The following MLKL variants were observed in gnomAD, a reference collection of about 807,000 sequenced individuals.
MLKL encodes mixed lineage kinase domain-like protein.
In MLKL, 55 loss-of-function variants were observed where a neutral mutation model predicts 56.5. That is an observed-to-expected ratio of 0.97 (90% CI 0.78 to 1.22). The LOEUF is 1.22. Ranked by LOEUF, MLKL falls within the 50% of genes most tolerant of loss-of-function variation. The pLI, the probability that MLKL is intolerant of heterozygous loss-of-function variation, is 0.00. For synonymous variants in MLKL, 251 were observed against 208.3 expected (o/e 1.20, Z -1.76); for missense variants, 694 against 573.9 (o/e 1.21, Z -2.14).
intron 7 of MLKL, chr16:74,677,640 G>A (rs1244781651): frequency 6.6e-6 from 1 of 152,258 alleles, no homozygotes; most frequent in Non-Finnish European, 1.5e-5. Flanking sequence ...ACAGGCATAA[G>A]CCACCATGCC....
intron 6 of MLKL, among the ~76,000 whole-genome samples, chr16:74,679,196 T>C (rs1281332956): frequency 1.3e-5 from 2 of 152,132 alleles, no homozygotes; most frequent in Non-Finnish European, 2.9e-5. Context: ...ATGACAGCCC[T>C]TATGAAGTGC....
Position 74,691,360 on chromosome 16 carries a change from T to A in MLKL, c.639A>T (p.Glu213Asp). Residue 213 changes from glutamate to aspartate, a missense_variant, in exon 4 of 11, where the codon GAA becomes GAT. By Grantham distance (45) the Glu-to-Asp change is conservative. Transcript: ENST00000308807. The stretch of plus-strand genomic sequence containing the variant: ...ATTCTCCTTTATAAAGTGTGCTGAC[T>A]TCATTTTCCCTTAGCAGAATCCACG... ...GSPWILLREN[E>D]VSTLYKGEYH... 6.2e-7 allele frequency: 1 copy of A among 1,614,086 alleles called. No homozygotes were observed. The highest frequency in any genetic ancestry group is 8.5e-7 in the Non-Finnish European group (1 of 1,180,002).
chr16:74,675,043 A>C lies in MLKL; in HGVS notation c.1298T>G (p.Leu433Arg). The stretch of plus-strand genomic sequence containing the variant: ...CAGCTCTGAAGGGCAGTCTTCACCC[A>C]GTGGCTCCTGCTGCCGCTTCACAGC... ...LVAVKRQQEP[L>R]GEDCPSELRE... The change falls in exon 10 of 11, where the codon CTG becomes CGG. Residue 433 changes from leucine (L) to arginine (R), a missense_variant. By Grantham distance (102) the Leu-to-Arg change is moderately radical. Transcript: ENST00000308807. 1 of 1,614,176 alleles carries C rather than the reference A, an allele frequency of 6.2e-7. No individual in the cohort carries two copies. The highest frequency in any genetic ancestry group is 2.2e-5 in the East Asian group (1 of 44,864).
chr16:74,677,973 C>T (rs184458927), intron 7 of MLKL: 514 of 152,478 alleles, frequency 3.4e-3, no homozygotes, highest in South Asian at 0.011. Flanking sequence ...AGCCACCATA[C>T]CCAGATGTGG....
chr16:74,685,349 A>T lies in MLKL; in HGVS notation c.820+137T>A, dbSNP rs888262059. 1.7e-5 allele frequency: 12 copies of T among 694,500 alleles called. No homozygotes were observed. The Admixed American group carries it at 2.2e-4, about 13-fold the overall frequency. 43.0% of individuals were successfully genotyped at this position (694,500 alleles called of 1,614,324 possible). On this transcript the variant is annotated intron_variant, in intron 5 of 10. Transcript: ENST00000308807. ...ACATGCATCTTGGGATGAAAAAAAA[A>T]AAATTAACATTGATAATAATCACAC...
intron 2 of MLKL, 62 bp from the exon 3 acceptor site, chr16:74,692,478 C>G: frequency 7.5e-7 from 1 of 1,337,972 alleles, no homozygotes; most frequent in African/African-American, 1.5e-5. Flanking sequence ...CCAATCAAAA[C>G]TAAAATGCTA....
chr16:74,690,061 A>G (rs941976984), intron 4 of MLKL, among the ~76,000 whole-genome samples: 1 of 152,250 alleles, frequency 6.6e-6, no homozygotes, highest in African/African-American at 2.4e-5. Flanking sequence ...AAAGATTTAC[A>G]AACAGACAAG....
At chr16:74,699,906 C>T (rs531111330) in intron 1 of MLKL, among the ~76,000 whole-genome samples, 204 of 151,948 alleles carry the variant, frequency 1.3e-3, no homozygotes, top group Non-Finnish European at 1.9e-3. Context: ...TGTGCCACTG[C>T]GCTCCAGCCT....
At chr16:74,678,831 A>G in intron 7 of MLKL, 68 bp downstream of exon 7, 2 of 1,095,962 alleles carry the variant, frequency 1.8e-6, no homozygotes, top group South Asian at 2.5e-5. Context: ...TTTCTGAGAC[A>G]CTCGTGCCCC....
At position 74,694,675 on chromosome 16, in the gene MLKL, T is replaced by C. The variant is rs536935026; in HGVS notation, c.460+623A>G. 2.2e-4 allele frequency among the ~76,000 whole-genome samples: 33 copies of C among 152,122 alleles called. No individual in the cohort carries two copies. In the South Asian group the frequency reaches 6.2e-3, roughly 29 times the overall value. ...GTACCAGCCACTCGGGAGCCTGAGG[T>C]GGGAGGATCACTTGAACCTGAGGCT... On this transcript the variant is annotated intron_variant, in intron 2 of 10. Transcript: ENST00000308807.
chr16:74,686,143 G>T (rs1465025211), intron 4 of MLKL, among the ~76,000 whole-genome samples: 1 of 151,682 alleles, frequency 6.6e-6, no homozygotes, highest in African/African-American at 2.4e-5. Context: ...TATTTTTTTT[G>T]CAGAGACATG....
intron 4 of MLKL, 53 bp downstream of exon 4, chr16:74,691,224 G>C: frequency 6.7e-7 from 1 of 1,499,460 alleles, no homozygotes; most frequent in Non-Finnish European, 9.0e-7. Context: ...TCTCTCCTTG[G>C]AGAGTTAGAG....
rs756494877 is a variant in MLKL at position 74,695,322 on chromosome 16, G to A, written c.436C>T (p.Arg146Ter). Residue 146 changes from arginine to a stop codon, truncating the protein, a stop_gained, in exon 2 of 11, where the codon CGA becomes TGA. Transcript: ENST00000308807. LOFTEE classifies it high-confidence loss of function. ...EDQQDADEDRRAFQMLRRDNE... is the reference protein window; with the variant it reads ...EDQQDADEDR ...CCTCTTCTTAGCATCTGGAAAGCTC[G>A]CCTGTCTTCGTCTGCATCCTGCTGA... The A allele has an allele frequency of 1.9e-6, 3 of 1,613,872 alleles. No individual in the cohort carries two copies. In the Admixed American group the frequency reaches 5.0e-5, roughly 27 times the overall value.
intron 10 of MLKL, 76 bp from the exon 11 acceptor site, chr16:74,672,614 C>A: frequency 1.5e-6 from 2 of 1,338,816 alleles, no homozygotes; most frequent in Non-Finnish European, 2.1e-6. Flanking sequence ...GACATTTCTA[C>A]ATTGCACAGT....
At chr16:74,695,828 G>C (rs529994582) in intron 1 of MLKL, 69 bp from the exon 2 acceptor site, 2 of 1,359,912 alleles carry the variant, frequency 1.5e-6, no homozygotes, top group East Asian at 2.3e-5. Context: ...GGCTAAGAAA[G>C]AATCAAAGCG....
At chr16:74,697,145 G>A (rs1170451637) in intron 1 of MLKL, among the ~76,000 whole-genome samples, 9 of 151,834 alleles carry the variant, frequency 5.9e-5, no homozygotes, top group South Asian at 2.1e-4. Context: ...GAGTCCAGGA[G>A]GTTGAGGCTG....
rs746820526 is a variant in MLKL at position 74,691,477 on chromosome 16, C to A, written c.536-14G>T. ...TTGGTGGTAAATCTGACCTCACCCC[C>A]GAGAGGAAAGAAGACAAAAGAGTCA... On this transcript the variant is annotated splice_polypyrimidine_tract_variant and intron_variant, in intron 3 of 10. Transcript: ENST00000308807. 2.5e-6 allele frequency: 4 copies of A among 1,603,808 alleles called. No homozygotes were observed. Among genetic ancestry groups the A allele is most frequent in the Admixed American group, 1.8e-5 (1 of 56,426 alleles).
rs753897196 is a variant in MLKL, at chr16:74,675,677, A to G, written c.1126T>C (p.Tyr376His). Residue 376 changes from tyrosine to histidine, a missense_variant, in exon 8 of 11, where the codon TAT (tyrosine) becomes CAT (histidine). Physicochemically the swap from Tyr to His is moderately conservative, Grantham distance 83 (BLOSUM62 2). Coordinates refer to ENST00000308807, the MANE Select transcript of MLKL (RefSeq NM_152649.4). ...TCTTCCAGTTCCTGAGGTGAGAGAT[A>G]TGCTGTAGATTTGACTCTGTCTGTC... ...EKTDRVKSTA[Y>H]LSPQELEDVF... The G allele has an allele frequency of 3.1e-6, 5 of 1,614,142 alleles. No homozygotes were observed. In the Admixed American group the frequency reaches 8.3e-5, roughly 27 times the overall value.
At position 74,675,361 on chromosome 16, in the gene MLKL, AC is replaced by A; in HGVS notation, c.1233del (p.Gln413LysfsTer14). 1 of 1,614,150 alleles carries A rather than the reference AC, an allele frequency of 6.2e-7. No homozygotes were observed. The highest frequency in any genetic ancestry group is 8.5e-7 in the Non-Finnish European group (1 of 1,180,026). On this transcript the variant is annotated frameshift_variant, in exon 9 of 11. Coordinates refer to ENST00000308807, the MANE Select transcript of MLKL (RefSeq NM_152649.4). LOFTEE classifies it high-confidence loss of function. ...VLWEIATGDI[P>X]FQGCNSEKIR... ...CAGTCTTCACATTCTTCACCTTGAA[AC>A]GGGATATCTCCAGTGGCGATTTCCC... is the stretch of plus-strand genomic sequence containing the variant.
Sources: allele counts gnomAD v4.1 joint callset (sites outside exome capture counted in the v4.1 genomes callset), GRCh38; gene constraint gnomAD v4.1.1; transcripts MANE v1.5; gene names NCBI Gene and HGNC (gene_info 2026-07-23, HGNC 2026-07-21).